Variants in AOPEP observed in about 807,000 individuals in gnomAD.
AOPEP encodes aminopeptidase O (putative).
AOPEP carries 77 observed loss-of-function variants against 98.1 expected under a neutral mutation model. That is an observed-to-expected ratio of 0.78 (90% CI 0.65 to 0.95). The LOEUF is 0.95. AOPEP is among the 40% of genes least tolerant of loss of function. The pLI is 0.00. For missense variants in AOPEP, 1,024 were observed against 1,024.7 expected (o/e 1.00, Z 0.01); for synonymous variants, 346 against 365.3 (o/e 0.95, Z 0.60).
chr9:94,880,050 A>G (rs998959919), intron 5 of AOPEP, among the ~76,000 whole-genome samples: 1 of 152,212 alleles, frequency 6.6e-6, no homozygotes, highest in African/African-American at 2.4e-5. Context: ...TATTAAATAG[A>G]TCACCGTATG....
intron 13 of AOPEP, among the ~76,000 whole-genome samples, chr9:95,036,702 C>CTTTTTTTTTTTTTTTTTTTTTTTT (rs58616523): frequency 7.4e-6 from 1 of 135,822 alleles, no homozygotes; most frequent in Non-Finnish European, 1.6e-5. Context: ...TCTTCTTCTT[C>CTTTTTTTTTTTTTTTTTTTTTTTT]TTTTTTTTTT....
intron 2 of AOPEP, among the ~76,000 whole-genome samples, chr9:94,771,114 G>A (rs1840769080): frequency 6.6e-6 from 1 of 152,168 alleles, no homozygotes; most frequent in Non-Finnish European, 1.5e-5. Flanking sequence ...AAGGGCACAA[G>A]TGGAATGTGT....
At position 94,760,510 on chromosome 9, in the gene AOPEP, G is replaced by T. The variant is rs747138673; in HGVS notation, c.727G>T (p.Ala243Ser). 6.2e-7 allele frequency: 1 copy of T among 1,606,296 alleles called. No homozygotes were observed. Among genetic ancestry groups the T allele is most frequent in the South Asian group, 1.1e-5 (1 of 89,586 alleles). ...GAQTATDFPH[A>S]IRIWYKTKPE... is the part of the protein sequence containing the mutation. ...TCAGACAGCTACTGACTTTCCTCAT[G>T]CTATCAGGATATGGTACAAAACTAA... Residue 243 changes from alanine (A) to serine (S), a missense_variant, in exon 2 of 17, where the codon GCT becomes TCT. Around this residue, in one of 3 missense-constraint regions of AOPEP, gnomAD observed 440 missense variants for 433.8 expected, o/e 1.01. Transcript: ENST00000375315.
At chr9:94,811,541 A>C (rs1302313903) in intron 5 of AOPEP, among the ~76,000 whole-genome samples, 1 of 151,962 alleles carries the variant, frequency 6.6e-6, no homozygotes, top group African/African-American at 2.4e-5. Context: ...GCTGCCCCCC[A>C]CCACCACTTT....
chr9:94,996,350 C>CTGTGTGTGTGTGTGTG (rs10608161), intron 11 of AOPEP, among the ~76,000 whole-genome samples: 1 of 141,782 alleles, frequency 7.1e-6, no homozygotes, highest in Admixed American at 7.1e-5. Context: ...TTACTTGCCT[C>CTGTGTGTGTGTGTGTG]TGTGTGTGTG....
intron 5 of AOPEP, among the ~76,000 whole-genome samples, chr9:94,871,733 A>G (rs868397542): frequency 6.6e-6 from 1 of 152,074 alleles, no homozygotes; most frequent in Non-Finnish European, 1.5e-5. Flanking sequence ...TGGGCTGGGC[A>G]TGGTGGTTCA....
At chr9:95,005,465 C>T (rs1281621278) in intron 12 of AOPEP, 77 bp from the exon 13 acceptor site, 11 of 1,389,826 alleles carry the variant, frequency 7.9e-6, no homozygotes, top group African/African-American at 2.8e-5. Context: ...GGCCGGGGGT[C>T]TCTGCTTTCT....
chr9:94,992,627 C>A (rs1479904997), intron 11 of AOPEP, among the ~76,000 whole-genome samples: 1 of 152,200 alleles, frequency 6.6e-6, no homozygotes, highest in African/African-American at 2.4e-5. Flanking sequence ...TAAATACCAG[C>A]TTTGGAGTCA....
At position 94,753,828 on chromosome 9, in the gene AOPEP, A is replaced by G. The variant is rs1289548414; in HGVS notation, c.-135-5821A>G. ...TATGACAGTATTAACATCAGGCAAA[A>G]CGGAATTTCTAGACATCTCGTGTTT... is the stretch of plus-strand genomic sequence containing the variant. On this transcript the variant is annotated intron_variant, in intron 1 of 16. Coordinates refer to ENST00000375315, the MANE Select transcript of AOPEP (RefSeq NM_001193329.3). 2.6e-5 allele frequency among the ~76,000 whole-genome samples: 4 copies of G among 152,218 alleles called. No individual in the cohort carries two copies. In the East Asian group the frequency reaches 7.7e-4, roughly 29 times the overall value.
At chr9:94,952,704 G>A (rs149328994) in intron 7 of AOPEP, among the ~76,000 whole-genome samples, 46 of 152,336 alleles carry the variant, frequency 3.0e-4, no homozygotes, top group African/African-American at 1.1e-3. Context: ...TCCATTCATA[G>A]AGTGTCATTT....
chr9:95,099,477 C>T, the AOPEP span: 1 of 226,930 alleles, frequency 4.4e-6, no homozygotes, highest in South Asian at 1.9e-4. Context: ...TTCCCGGTGG[C>T]ACCTGCCCAG....
intron 3 of AOPEP, among the ~76,000 whole-genome samples, chr9:94,784,803 T>A (rs193292): frequency 0.22 from 33,219 of 151,992 alleles, 5,108 homozygotes; most frequent in African/African-American, 0.43. Flanking sequence ...TTTAGTAGAG[T>A]CAGGGTTTCA....
intron 7 of AOPEP, among the ~76,000 whole-genome samples, chr9:94,937,659 C>G (rs1336636733): frequency 1.3e-5 from 2 of 152,142 alleles, no homozygotes; most frequent in African/African-American, 4.8e-5. Flanking sequence ...TGCATAATTC[C>G]ATATCATTAT....
chr9:94,959,916 T>C (rs530906751), intron 9 of AOPEP, among the ~76,000 whole-genome samples: 1 of 152,374 alleles, frequency 6.6e-6, no homozygotes, highest in African/African-American at 2.4e-5. Flanking sequence ...AATTTTCTTT[T>C]ACTTGAATTT....
chr9:95,017,293 A>G (rs925184121), intron 13 of AOPEP, among the ~76,000 whole-genome samples: 5 of 152,196 alleles, frequency 3.3e-5, no homozygotes, highest in African/African-American at 9.6e-5. Flanking sequence ...CATCATGGTG[A>G]GAACATCATA....
chr9:94,864,908 T>G (rs2045538942), intron 5 of AOPEP, among the ~76,000 whole-genome samples: 1 of 152,174 alleles, frequency 6.6e-6, no homozygotes, highest in East Asian at 1.9e-4. Context: ...GTGGCTTTGA[T>G]TTGATGTACT....
intron 5 of AOPEP, among the ~76,000 whole-genome samples, chr9:94,806,141 C>A (rs1849219990): frequency 6.6e-6 from 1 of 152,126 alleles, no homozygotes; most frequent in Non-Finnish European, 1.5e-5. Context: ...TGATTCTTTG[C>A]CTCAGGAATC....
At chr9:94,792,343 C>G (rs759053071) in intron 3 of AOPEP, among the ~76,000 whole-genome samples, 1 of 152,164 alleles carries the variant, frequency 6.6e-6, no homozygotes, top group Non-Finnish European at 1.5e-5. Context: ...AGTTACAGCA[C>G]AAAGCAATCA....
intron 9 of AOPEP, among the ~76,000 whole-genome samples, chr9:94,964,243 C>CA: frequency 6.6e-6 from 1 of 152,336 alleles, no homozygotes; most frequent in African/African-American, 2.4e-5. Context: ...CTGTTGCCTG[C>CA]AGGCCTGAGC....
Sources: allele counts gnomAD v4.1 joint callset (sites outside exome capture counted in the v4.1 genomes callset), GRCh38; gene constraint gnomAD v4.1.1; regional missense constraint gnomAD v4.1.1; transcripts MANE v1.5; gene names NCBI Gene and HGNC (gene_info 2026-07-23, HGNC 2026-07-21).